The following MTUS2 variants were observed in gnomAD, a reference collection of about 807,000 sequenced individuals.
MTUS2 encodes microtubule-associated tumor suppressor candidate 2.
A neutral mutation model predicts 114.1 loss-of-function variants in MTUS2; 40 were observed. That is an observed-to-expected ratio of 0.35 (90% CI 0.27 to 0.46). The LOEUF is 0.46. Among genes scored for constraint, MTUS2 ranks in the 20% least tolerant of loss-of-function variants. MTUS2 has a pLI of 1.00. For synonymous variants in MTUS2, 688 were observed against 672.0 expected (o/e 1.02, Z -0.37); for missense variants, 1,679 against 1,705.4 (o/e 0.98, Z 0.27).
intron 4 of MTUS2, among the ~76,000 whole-genome samples, chr13:29,061,903 G>T (rs867186840): frequency 2.7e-5 from 2 of 74,142 alleles, no homozygotes; most frequent in Non-Finnish European, 5.4e-5. Context: ...AGTTTTTGTT[G>T]TAGCTGAAAG....
chr13:28,875,492 A>G (rs1169056938), intron 2 of MTUS2, among the ~76,000 whole-genome samples: 3 of 152,238 alleles, frequency 2.0e-5, no homozygotes, highest in Admixed American at 6.5e-5. Flanking sequence ...TAGTCAACCT[A>G]TGTCTTCAGT....
intron 4 of MTUS2, among the ~76,000 whole-genome samples, chr13:29,063,222 CCTT>C (rs1350212528): frequency 2.0e-5 from 3 of 152,138 alleles, no homozygotes; most frequent in African/African-American, 7.2e-5. Flanking sequence ...AGAAAAACCT[CCTT>C]AATGGCCTAA....
At chr13:29,019,481 G>A (rs1886206575) in intron 2 of MTUS2, among the ~76,000 whole-genome samples, 1 of 152,188 alleles carries the variant, frequency 6.6e-6, no homozygotes, top group Admixed American at 6.5e-5. Context: ...AAAAATTAAG[G>A]ATGGGCTCCA....
chr13:29,264,066 G>A (rs1897578080), intron 5 of MTUS2, among the ~76,000 whole-genome samples: 1 of 152,136 alleles, frequency 6.6e-6, no homozygotes. Context: ...ACAAATTATC[G>A]ACTTCCAATA....
chr13:29,380,244 C>T (rs1424580309), intron 8 of MTUS2, among the ~76,000 whole-genome samples: 1 of 152,206 alleles, frequency 6.6e-6, no homozygotes, highest in East Asian at 1.9e-4. Context: ...GTAGAGACAC[C>T]TTCCATTGGG....
intron 5 of MTUS2, among the ~76,000 whole-genome samples, chr13:29,115,031 C>T (rs1486000895): frequency 6.6e-6 from 1 of 152,138 alleles, no homozygotes; most frequent in Non-Finnish European, 1.5e-5. Flanking sequence ...GAGCCAGAGC[C>T]ACCTGAATAG....
chr13:29,227,061 C>A (rs1896135191), intron 5 of MTUS2, among the ~76,000 whole-genome samples: 1 of 152,028 alleles, frequency 6.6e-6, no homozygotes, highest in Admixed American at 6.6e-5. Flanking sequence ...AGTCTGAGAC[C>A]AGCCTGCCCA....
intron 6 of MTUS2, among the ~76,000 whole-genome samples, chr13:29,296,132 C>A (rs1898931950): frequency 6.6e-6 from 1 of 152,272 alleles, no homozygotes. Context: ...ATACTGATTT[C>A]CTTTCCTTTG....
At chr13:28,999,732 T>A (rs1885297306) in intron 2 of MTUS2, among the ~76,000 whole-genome samples, 1 of 152,186 alleles carries the variant, frequency 6.6e-6, no homozygotes, top group African/African-American at 2.4e-5. Context: ...TCCTCCTAAC[T>A]GTAACTTTGT....
intron 8 of MTUS2, among the ~76,000 whole-genome samples, chr13:29,389,591 A>C (rs1163905985): frequency 9.4e-6 from 1 of 106,632 alleles, no homozygotes; most frequent in Non-Finnish European, 2.0e-5. Context: ...ATACGTATAC[A>C]TATGTGTGTA....
chr13:29,173,754 C>G (rs1406340323), intron 5 of MTUS2, among the ~76,000 whole-genome samples: 1 of 152,064 alleles, frequency 6.6e-6, no homozygotes, highest in Non-Finnish European at 1.5e-5. Context: ...TATTGCTCTT[C>G]TCACTTTTAT....
chr13:29,242,140 A>G (rs1418289397), intron 5 of MTUS2, among the ~76,000 whole-genome samples: 1 of 152,238 alleles, frequency 6.6e-6, no homozygotes, highest in African/African-American at 2.4e-5. Context: ...AGTACACTTC[A>G]GTGACTTTTT....
chr13:29,367,420 T>C (rs1870810279), intron 8 of MTUS2, among the ~76,000 whole-genome samples: 1 of 152,086 alleles, frequency 6.6e-6, no homozygotes. Flanking sequence ...GCCTTGAATC[T>C]TAAATAAAAG....
chr13:29,315,223 TAGAA>T (rs1899936505), intron 6 of MTUS2, among the ~76,000 whole-genome samples: 1 of 152,180 alleles, frequency 6.6e-6, no homozygotes, highest in South Asian at 2.1e-4. Context: ...AAATTACAGT[TAGAA>T]GGAATCAGTT....
intron 4 of MTUS2, among the ~76,000 whole-genome samples, chr13:29,052,404 C>G (rs4377009): frequency 6.9e-6 from 1 of 145,940 alleles, no homozygotes; most frequent in East Asian, 2.0e-4. Context: ...TCACTTGAAC[C>G]TGGGAGGCGG....
At chr13:29,067,505 G>A (rs913524462) in intron 4 of MTUS2, among the ~76,000 whole-genome samples, 2 of 152,148 alleles carry the variant, frequency 1.3e-5, no homozygotes, top group African/African-American at 4.8e-5. Flanking sequence ...ACCTAGTTTT[G>A]AATGAGCAAT....
chr13:29,076,121 C>A (rs1889182489), intron 4 of MTUS2, among the ~76,000 whole-genome samples: 1 of 152,106 alleles, frequency 6.6e-6, no homozygotes, highest in South Asian at 2.1e-4. Flanking sequence ...AATTCACTTC[C>A]CATTAGTTTC....
Position 29,310,882 on chromosome 13 carries a change from T to C in MTUS2, c.2807-13731T>C, listed in dbSNP as rs533077018. ...AATTTAGGGTTTCTGCTCATAGATA[T>C]ATGAGAAATTCATACATGTGTATCT... On this transcript the variant is annotated intron_variant, in intron 6 of 15. Transcript: ENST00000612955. Among the ~76,000 whole-genome samples, 7 of 152,354 alleles carry C rather than the reference T, an allele frequency of 4.6e-5. No homozygotes were observed. The South Asian group carries it at 6.2e-4, about 14-fold the overall frequency.
At position 29,209,494 on chromosome 13, in the gene MTUS2, T is replaced by G. The variant is rs550968136; in HGVS notation, c.2645-72210T>G. ...GTTGTTGCCTGAATACCTTGTTGTT[T>G]TTTTTTTTCATTGCATTATTGTTTT... On this transcript the variant is annotated intron_variant, in intron 5 of 15. Coordinates refer to ENST00000612955, the MANE Select transcript of MTUS2 (RefSeq NM_001033602.4). Among the ~76,000 whole-genome samples the G allele has an allele frequency of 2.0e-3, 303 of 152,160 alleles. 3 individuals are homozygous for G. The highest frequency in any genetic ancestry group is 2.0e-3 in the African/African-American group (85 of 41,556).
Sources: gnomAD v4.1 joint callset for allele counts (sites outside exome capture counted in the v4.1 genomes callset) on GRCh38, gnomAD v4.1.1 for gene constraint, MANE v1.5 for transcripts, NCBI Gene and HGNC (gene_info 2026-07-23, HGNC 2026-07-21) for gene names.